The following NDUFA5 variants were observed in gnomAD, a reference collection of about 807,000 sequenced individuals.
The protein encoded by NDUFA5 is NADH:ubiquinone oxidoreductase subunit A5.
In NDUFA5, 11 loss-of-function variants were observed where a neutral mutation model predicts 19.8. That is an observed-to-expected ratio of 0.56 (90% CI 0.35 to 0.92). The LOEUF (loss-of-function observed/expected upper bound fraction) is 0.92. Among genes scored for constraint, NDUFA5 ranks in the 40% least tolerant of loss-of-function variants. The pLI is 0.01. For missense variants in NDUFA5, 109 were observed against 134.2 expected (o/e 0.81, Z 0.93); for synonymous variants, 47 against 46.8 (o/e 1.00, Z -0.01).
the NDUFA5 span, among the ~76,000 whole-genome samples, chr7:123,595,895 A>G: frequency 5.3e-5 from 8 of 152,358 alleles, no homozygotes; most frequent in Non-Finnish European, 1.0e-4. Flanking sequence ...AAAACAGCTT[A>G]ACCAAACCTC....
At chr7:123,546,650 A>C (rs1260509990) in intron 3 of NDUFA5, 1 of 1,279,778 alleles carries the variant, frequency 7.8e-7, no homozygotes, top group Non-Finnish European at 1.0e-6. Flanking sequence ...AGAGGGAGAA[A>C]ATAATACATT....
At chr7:123,560,541 G>T (rs370022397), upstream of NDUFA5, among the ~76,000 whole-genome samples, 235 of 152,330 alleles carry the variant, frequency 1.5e-3, 11 homozygotes, top group South Asian at 0.045. Flanking sequence ...TACTATGGAT[G>T]AGGTGGCTTA....
chr7:123,598,152 T>A, the NDUFA5 span, among the ~76,000 whole-genome samples: 1 of 152,090 alleles, frequency 6.6e-6, no homozygotes, highest in Non-Finnish European at 1.5e-5. Context: ...GAAAACCAAA[T>A]GCAATGGTTT....
upstream of NDUFA5, among the ~76,000 whole-genome samples, chr7:123,561,490 A>AT (rs1263651790): frequency 1.3e-5 from 2 of 152,100 alleles, no homozygotes; most frequent in Non-Finnish European, 2.9e-5. Context: ...TTTTCCTCAC[A>AT]TTTGCAATGG....
chr7:123,554,386 C>G (rs2116179742), intron 2 of NDUFA5, among the ~76,000 whole-genome samples: 1 of 152,234 alleles, frequency 6.6e-6, no homozygotes. Flanking sequence ...GGTTAGAATA[C>G]AGTAGCTCCC....
the NDUFA5 span, among the ~76,000 whole-genome samples, chr7:123,573,576 C>G: frequency 1.3e-5 from 2 of 152,080 alleles, no homozygotes; most frequent in Non-Finnish European, 2.9e-5. Flanking sequence ...CCCCTGCCAT[C>G]CCAAACACTC....
the NDUFA5 span, among the ~76,000 whole-genome samples, chr7:123,573,373 C>T: frequency 6.7e-6 from 1 of 150,124 alleles, no homozygotes; most frequent in South Asian, 2.1e-4. Context: ...CTTCCCATCA[C>T]CTGACCCTCA....
the NDUFA5 span, among the ~76,000 whole-genome samples, chr7:123,594,440 T>G: frequency 6.6e-5 from 10 of 152,292 alleles, no homozygotes; most frequent in African/African-American, 2.4e-4. Context: ...GTCTTTGTTG[T>G]TGGTGACCTA....
the NDUFA5 span, among the ~76,000 whole-genome samples, chr7:123,578,304 C>CAAAAAT: frequency 6.6e-6 from 1 of 151,498 alleles, no homozygotes; most frequent in Non-Finnish European, 1.5e-5. Flanking sequence ...CTTTCATTCT[C>CAAAAAT]TATGTTGCTC....
the NDUFA5 span, among the ~76,000 whole-genome samples, chr7:123,579,741 C>T: frequency 6.6e-6 from 1 of 152,028 alleles, no homozygotes; most frequent in African/African-American, 2.4e-5. Context: ...AGAAACAAAT[C>T]TATTATGCTA....
Position 123,545,685 on chromosome 7 carries a change from T to A in NDUFA5, c.184-9A>T, listed in dbSNP as rs367595765. 19 of 1,596,002 alleles carry A rather than the reference T, an allele frequency of 1.2e-5. No individual in the cohort carries two copies. The highest frequency in any genetic ancestry group is 1.5e-5 in the Non-Finnish European group (18 of 1,169,374). Reference sequence around the variant, plus strand: ...TTTTTAACATCTGGTTCCTATAATTTCAGGGAGAAAAAAAATTAAAGAAGC... The same window carrying A: ...TTTTTAACATCTGGTTCCTATAATTACAGGGAGAAAAAAAATTAAAGAAGC... On this transcript the variant is annotated splice_polypyrimidine_tract_variant and intron_variant, in intron 3 of 4. Coordinates refer to ENST00000355749, the MANE Select transcript of NDUFA5 (RefSeq NM_005000.5).
At chr7:123,562,644 T>C (rs116398167), upstream of NDUFA5, among the ~76,000 whole-genome samples, 57 of 152,272 alleles carry the variant, frequency 3.7e-4, no homozygotes, top group African/African-American at 1.3e-3. Context: ...TTTACCTCTC[T>C]TAGGCTTCAT....
chr7:123,561,609 A>AT (rs34769894), upstream of NDUFA5, among the ~76,000 whole-genome samples: 11 of 150,934 alleles, frequency 7.3e-5, no homozygotes, highest in East Asian at 3.9e-4. Context: ...TGAATCACCA[A>AT]TTTTTTTTTT....
At chr7:123,576,178 C>T in the NDUFA5 span, among the ~76,000 whole-genome samples, 11 of 149,834 alleles carry the variant, frequency 7.3e-5, no homozygotes, top group East Asian at 2.1e-3. Flanking sequence ...TTTTTATGGT[C>T]CTGTAATCCT....
chr7:123,557,980 G>T, upstream of NDUFA5: 1 of 914,754 alleles, frequency 1.1e-6, no homozygotes, highest in Non-Finnish European at 1.7e-6. Flanking sequence ...CATGCGCGAT[G>T]GGCATACAAG....
At chr7:123,558,878 G>A (rs1798647329), upstream of NDUFA5, among the ~76,000 whole-genome samples, 1 of 152,130 alleles carries the variant, frequency 6.6e-6, no homozygotes, top group Non-Finnish European at 1.5e-5. Context: ...GGCAACAGTT[G>A]AAGAGAATGA....
At chr7:123,582,955 G>A in the NDUFA5 span, among the ~76,000 whole-genome samples, 1 of 152,128 alleles carries the variant, frequency 6.6e-6, no homozygotes, top group South Asian at 2.1e-4. Context: ...TGTAAATCTT[G>A]TTTTAAAAAT....
the NDUFA5 span, among the ~76,000 whole-genome samples, chr7:123,580,277 G>T: frequency 6.6e-6 from 1 of 152,060 alleles, no homozygotes; most frequent in Non-Finnish European, 1.5e-5. Context: ...GTCCTCAGGT[G>T]CATGGCAGGC....
chr7:123,557,218 A>C lies in NDUFA5; in HGVS notation c.66+186T>G, dbSNP rs995983534. ...CTGGCTTAATAAAGAGGTCATGGCA[A>C]AAATAAATAAAAATGTGACATCGGA... On this transcript the variant is annotated intron_variant, in intron 2 of 4. Coordinates refer to ENST00000355749, the MANE Select transcript of NDUFA5 (RefSeq NM_005000.5). 13 of 854,202 alleles carry C rather than the reference A, an allele frequency of 1.5e-5. No individual in the cohort carries two copies. In the African/African-American group the frequency reaches 2.2e-4, roughly 14 times the overall value. 52.9% of individuals were successfully genotyped at this position (854,202 alleles called of 1,614,324 possible). A position where few individuals can be genotyped will look rare whatever the true frequency, so the allele number is the denominator to read the frequency against.
Sources: gnomAD v4.1 joint callset for allele counts (sites outside exome capture counted in the v4.1 genomes callset) on GRCh38, gnomAD v4.1.1 for gene constraint, MANE v1.5 for transcripts, NCBI Gene and HGNC (gene_info 2026-07-23, HGNC 2026-07-21) for gene names.